Variants in PXDNL observed in about 807,000 individuals in gnomAD.
PXDNL encodes probable oxidoreductase PXDNL.
Under a neutral mutation model 150.8 loss-of-function variants are expected in PXDNL, and 145 were observed. The observed-to-expected ratio is 0.96, with a 90% confidence interval of 0.84 to 1.10. The LOEUF is 1.10. Ranked by LOEUF, PXDNL falls within the 50% of genes least tolerant of loss-of-function variation. PXDNL has a pLI of 0.00. For missense variants in PXDNL, 2,087 were observed against 1,873.9 expected, an observed-to-expected ratio of 1.11 and a Z score of -2.10; for synonymous variants, 757 against 725.7, an observed-to-expected ratio of 1.04 and a Z score of -0.69.
intron 21 of PXDNL, among the ~76,000 whole-genome samples, chr8:51,335,333 A>G (rs1013897743): frequency 6.6e-6 from 1 of 152,116 alleles, no homozygotes; most frequent in African/African-American, 2.4e-5. Flanking sequence ...GAGTCTACCA[A>G]TGAGAGGCAC....
intron 1 of PXDNL, among the ~76,000 whole-genome samples, chr8:51,682,705 C>T (rs1188528513): frequency 2.6e-5 from 4 of 152,180 alleles, no homozygotes; most frequent in East Asian, 1.9e-4. Flanking sequence ...CAGTAAGAAG[C>T]TCAGAGACAA....
rs113688551 is a variant in PXDNL at position 51,520,796 on chromosome 8, T to C, written c.381-21026A>G. Among the ~76,000 whole-genome samples, 976 of 140,296 alleles carry C rather than the reference T, an allele frequency of 7.0e-3. 5 individuals are homozygous for C. The highest frequency in any genetic ancestry group is 0.027 in the African/African-American group (931 of 33,954). 92.0% of individuals were successfully genotyped at this position (140,296 alleles called of 152,430 possible). A position where few individuals can be genotyped will look rare whatever the true frequency, so the allele number is the denominator to read the frequency against. The stretch of plus-strand genomic sequence containing the variant: ...CTGCCTTGCTCAACACTCCTGGCCC[T>C]CGAACAAAAAAAAAACTTAGAGGCA... On this transcript the variant is annotated intron_variant, in intron 4 of 22. Coordinates refer to ENST00000356297, the MANE Select transcript of PXDNL (RefSeq NM_144651.5).
Position 51,374,609 on chromosome 8 carries a change from C to T in PXDNL, c.3680G>A (p.Arg1227Lys). The T allele has an allele frequency of 2.5e-6, 4 of 1,613,964 alleles. No individual in the cohort carries two copies. Among genetic ancestry groups the T allele is most frequent in the Non-Finnish European group, 3.4e-6 (4 of 1,179,884 alleles). Residue 1227 changes from arginine to lysine, a missense_variant, in exon 18 of 23, where the codon AGA (arginine) becomes AAA (lysine). Physicochemically the swap from Arg to Lys is conservative, Grantham distance 26. Coordinates refer to ENST00000356297, the MANE Select transcript of PXDNL (RefSeq NM_144651.5). ...GATAATCATTCACCTATCTCCATCT[C>T]TTAGCCGCTGAAACTGGGTAACAAA... ...CLFVTQFQRL[R>K]DGDRFWYENP...
At chr8:51,440,625 CAATATTT>C (rs763991962) in intron 12 of PXDNL, among the ~76,000 whole-genome samples, 6 of 152,000 alleles carry the variant, frequency 3.9e-5, no homozygotes, top group Non-Finnish European at 7.4e-5. Flanking sequence ...CAAATTTATT[CAATATTT>C]ACCTTCTGCT....
chr8:51,620,198 C>T (rs566656589), intron 2 of PXDNL, among the ~76,000 whole-genome samples: 1 of 152,100 alleles, frequency 6.6e-6, no homozygotes, highest in Non-Finnish European at 1.5e-5. Flanking sequence ...TAAAATTTGT[C>T]AATGAATTGA....
chr8:51,592,755 T>C, intron 2 of PXDNL, 57 bp from the exon 3 acceptor site: 1 of 1,267,502 alleles, frequency 7.9e-7, no homozygotes, highest in Non-Finnish European at 1.1e-6. Flanking sequence ...TCTGCAAACA[T>C]TAAAATAGTT....
intron 5 of PXDNL, among the ~76,000 whole-genome samples, chr8:51,488,976 T>C (rs979847174): frequency 6.6e-6 from 1 of 152,030 alleles, no homozygotes; most frequent in Non-Finnish European, 1.5e-5. Context: ...AGAAGACAAA[T>C]CGGAAACAAG....
At chr8:51,534,459 C>G (rs1438187335) in intron 4 of PXDNL, among the ~76,000 whole-genome samples, 3 of 99,742 alleles carry the variant, frequency 3.0e-5, no homozygotes, top group Non-Finnish European at 5.7e-5. Flanking sequence ...GCCCGGCCAG[C>G]CGCCCCGTCC....
chr8:51,681,210 G>A (rs573546067), intron 1 of PXDNL, among the ~76,000 whole-genome samples: 1 of 151,898 alleles, frequency 6.6e-6, no homozygotes, highest in Non-Finnish European at 1.5e-5. Context: ...AGATTTCATA[G>A]GCCAAACACA....
intron 21 of PXDNL, among the ~76,000 whole-genome samples, chr8:51,333,735 A>G (rs1167715113): frequency 6.6e-6 from 1 of 152,208 alleles, no homozygotes; most frequent in Non-Finnish European, 1.5e-5. Context: ...GACATTATAT[A>G]ACAGTAAAAG....
At chr8:51,509,815 C>T (rs566301022) in intron 4 of PXDNL, among the ~76,000 whole-genome samples, 18 of 149,078 alleles carry the variant, frequency 1.2e-4, no homozygotes, top group African/African-American at 3.7e-4. Context: ...TATACATATA[C>T]GTGTGTGTGT....
intron 3 of PXDNL, among the ~76,000 whole-genome samples, chr8:51,562,133 C>T (rs550434056): frequency 6.6e-6 from 1 of 151,066 alleles, no homozygotes; most frequent in Admixed American, 6.6e-5. Flanking sequence ...GAAATTATAT[C>T]CCTTTATAAA....
intron 19 of PXDNL, among the ~76,000 whole-genome samples, 186 bp from the exon 20 acceptor site, chr8:51,346,133 T>C (rs561962735): frequency 5.3e-4 from 81 of 152,328 alleles, no homozygotes; most frequent in Middle Eastern, 3.4e-3. Context: ...ATACCTGCTT[T>C]TGCATGTCAC....
rs575344627 is a variant in PXDNL, at chr8:51,704,130, C to T, written c.165-49370G>A. Among the ~76,000 whole-genome samples the T allele has an allele frequency of 1.5e-4, 23 of 152,334 alleles. No individual in the cohort carries two copies. The South Asian group carries it at 3.7e-3, about 25-fold the overall frequency. ...ATAGAGATGCAATCACTAACCTACA[C>T]TTTTCTCTTTGTCCCTTCCTGGATT... is the stretch of plus-strand genomic sequence containing the variant. On this transcript the variant is annotated intron_variant, in intron 1 of 22. Coordinates refer to ENST00000356297, the MANE Select transcript of PXDNL (RefSeq NM_144651.5).
At chr8:51,621,448 CTGTGTGTGTGTG>C (rs10531050) in intron 2 of PXDNL, among the ~76,000 whole-genome samples, 46 of 142,224 alleles carry the variant, frequency 3.2e-4, no homozygotes, top group African/African-American at 4.8e-4. Flanking sequence ...GTGTGTGTGT[CTGTGTGTGTGTG>C]TGTGTGTGTG....
At chr8:51,725,446 C>A (rs1023677887) in intron 1 of PXDNL, among the ~76,000 whole-genome samples, 1 of 151,700 alleles carries the variant, frequency 6.6e-6, no homozygotes, top group Non-Finnish European at 1.5e-5. Flanking sequence ...GTTTCTAACA[C>A]CACTTATTTT....
intron 2 of PXDNL, among the ~76,000 whole-genome samples, chr8:51,612,232 C>G (rs934763205): frequency 5.3e-5 from 8 of 152,140 alleles, no homozygotes; most frequent in African/African-American, 1.9e-4. Flanking sequence ...CCCAGCAACC[C>G]TGTCCTGTTC....
intron 17 of PXDNL, among the ~76,000 whole-genome samples, chr8:51,403,791 TA>T (rs1808344960): frequency 6.6e-6 from 1 of 152,098 alleles, no homozygotes; most frequent in Non-Finnish European, 1.5e-5. Flanking sequence ...AGCGGGGCCT[TA>T]GGTGGTGATT....
intron 4 of PXDNL, among the ~76,000 whole-genome samples, chr8:51,541,104 A>T (rs142897579): frequency 0.018 from 2,669 of 151,954 alleles, 84 homozygotes; most frequent in African/African-American, 0.06. Flanking sequence ...CTAAAAATAC[A>T]AAAATTAGCT....
Sources: gnomAD v4.1 joint callset for allele counts (sites outside exome capture counted in the v4.1 genomes callset) on GRCh38, gnomAD v4.1.1 for gene constraint, MANE v1.5 for transcripts, NCBI Gene and HGNC (gene_info 2026-07-23, HGNC 2026-07-21) for gene names.